The following GPC6 variants were observed in gnomAD, a reference collection of about 807,000 sequenced individuals.
GPC6 encodes glypican 6.
In GPC6, 14 loss-of-function variants were observed where a neutral mutation model predicts 55.2. The ratio of observed to expected loss-of-function variants is 0.25; its 90% CI spans 0.17 to 0.40. The LOEUF (loss-of-function observed/expected upper bound fraction) is 0.40. GPC6 is among the 10% of genes least tolerant of loss of function. GPC6 has a pLI of 1.00. For missense variants in GPC6, 641 were observed against 708.5 expected (o/e 0.90, Z 1.08); for synonymous variants, 278 against 259.6 (o/e 1.07, Z -0.68).
intron 3 of GPC6, among the ~76,000 whole-genome samples, chr13:94,003,937 G>A (rs1432156340): frequency 6.6e-6 from 1 of 152,134 alleles, no homozygotes; most frequent in Non-Finnish European, 1.5e-5. Flanking sequence ...CTTGGTAGAT[G>A]TGTCATTCAA....
chr13:93,565,296 G>T (rs557003999), intron 2 of GPC6, among the ~76,000 whole-genome samples: 62 of 152,228 alleles, frequency 4.1e-4, no homozygotes, highest in African/African-American at 1.5e-3. Context: ...GCAGGTGTTG[G>T]CCCCACTGCA....
At chr13:93,611,018 A>G (rs1878439326) in intron 2 of GPC6, among the ~76,000 whole-genome samples, 2 of 152,162 alleles carry the variant, frequency 1.3e-5, no homozygotes, top group African/African-American at 2.4e-5. Flanking sequence ...TATTTTATCA[A>G]ACATCTCATT....
chr13:93,918,092 G>A (rs1259254443), intron 3 of GPC6, among the ~76,000 whole-genome samples: 21 of 123,804 alleles, frequency 1.7e-4, no homozygotes, highest in Admixed American at 3.5e-4. Flanking sequence ...GAGAGACTCC[G>A]TCAAAAAAAA....
chr13:93,904,956 G>A (rs1876561570), intron 3 of GPC6, among the ~76,000 whole-genome samples: 1 of 123,420 alleles, frequency 8.1e-6, no homozygotes, highest in Non-Finnish European at 1.6e-5. Flanking sequence ...TCCCCAGAGT[G>A]TGATGTTCCC....
chr13:94,258,969 G>A (rs1891582066), intron 4 of GPC6, among the ~76,000 whole-genome samples: 1 of 151,930 alleles, frequency 6.6e-6, no homozygotes, highest in African/African-American at 2.4e-5. Flanking sequence ...CTACCACACT[G>A]GAAACCTTTC....
rs192080946 is a variant in GPC6 at position 94,264,550 on chromosome 13, G to A, written c.878-21799G>A. On this transcript the variant is annotated intron_variant, in intron 4 of 8. Coordinates refer to ENST00000377047, the MANE Select transcript of GPC6 (RefSeq NM_005708.5). ...TTAGATGTTGTTCTGGTCACTAGAC[G>A]GTAAAAGATAATTTTTAGTACCTAG... Among the ~76,000 whole-genome samples, 367 of 152,186 alleles carry A rather than the reference G, an allele frequency of 2.4e-3. 1 individual carries two copies. The highest frequency in any genetic ancestry group is 1.2e-3 in the Non-Finnish European group (81 of 68,008).
intron 3 of GPC6, among the ~76,000 whole-genome samples, chr13:93,832,362 T>G (rs575040400): frequency 6.6e-6 from 1 of 151,872 alleles, no homozygotes; most frequent in South Asian, 2.1e-4. Context: ...ATTAATTTAA[T>G]AAGTTAAACT....
At chr13:93,603,711 C>CAT (rs1416581554) in intron 2 of GPC6, among the ~76,000 whole-genome samples, 6 of 152,174 alleles carry the variant, frequency 3.9e-5, no homozygotes, top group Non-Finnish European at 5.9e-5. Flanking sequence ...CCTAAGCATG[C>CAT]ATACATGCAT....
chr13:93,502,791 G>T (rs1371803395), intron 1 of GPC6, among the ~76,000 whole-genome samples: 3 of 152,004 alleles, frequency 2.0e-5, no homozygotes, highest in Admixed American at 6.6e-5. Flanking sequence ...TGGGGTAAAT[G>T]CTCCTACCAC....
chr13:94,121,183 A>G (rs1208993266), intron 4 of GPC6, among the ~76,000 whole-genome samples: 1 of 151,996 alleles, frequency 6.6e-6, no homozygotes, highest in Non-Finnish European at 1.5e-5. Context: ...TTACACCACC[A>G]TGTGCTGTTG....
intron 1 of GPC6, among the ~76,000 whole-genome samples, chr13:93,232,724 T>C (rs1876103205): frequency 6.6e-6 from 1 of 152,174 alleles, no homozygotes; most frequent in Admixed American, 6.5e-5. Context: ...AAGTGACTAG[T>C]GTTCTTTTAA....
intron 1 of GPC6, among the ~76,000 whole-genome samples, chr13:93,531,080 T>C (rs1178723199): frequency 6.6e-6 from 1 of 152,054 alleles, no homozygotes; most frequent in East Asian, 1.9e-4. Context: ...AACGTTGGGT[T>C]AAATGGATAA....
chr13:93,731,133 G>T (rs903468561), intron 2 of GPC6, among the ~76,000 whole-genome samples: 1 of 152,126 alleles, frequency 6.6e-6, no homozygotes, highest in Admixed American at 6.6e-5. Context: ...GATTGTAGGG[G>T]TGCTCATTCC....
At chr13:93,939,428 A>AATAATAATG (rs999323542) in intron 3 of GPC6, among the ~76,000 whole-genome samples, 9 of 151,430 alleles carry the variant, frequency 5.9e-5, no homozygotes, top group Admixed American at 5.3e-4. Flanking sequence ...AAATAATAAT[A>AATAATAATG]ATAATAATGA....
At chr13:93,839,804 C>A (rs1437676146) in intron 3 of GPC6, among the ~76,000 whole-genome samples, 1 of 152,122 alleles carries the variant, frequency 6.6e-6, no homozygotes, top group Non-Finnish European at 1.5e-5. Context: ...TCCCTGCATC[C>A]TTGATATGAA....
chr13:94,127,635 A>G (rs556421826), intron 4 of GPC6, among the ~76,000 whole-genome samples: 2 of 152,154 alleles, frequency 1.3e-5, no homozygotes, highest in South Asian at 4.1e-4. Flanking sequence ...AGATTCTTGT[A>G]CATCTGGACC....
chr13:93,775,261 T>C (rs1336810443), intron 2 of GPC6, among the ~76,000 whole-genome samples: 1 of 152,170 alleles, frequency 6.6e-6, no homozygotes, highest in Non-Finnish European at 1.5e-5. Context: ...TGCCTCAGCC[T>C]CCCGAGTAGC....
chr13:93,747,103 A>C (rs1212356045), intron 2 of GPC6, among the ~76,000 whole-genome samples: 1 of 152,210 alleles, frequency 6.6e-6, no homozygotes, highest in Non-Finnish European at 1.5e-5. Flanking sequence ...ATTGAGGCTG[A>C]AGAGTTTTCC....
intron 3 of GPC6, among the ~76,000 whole-genome samples, chr13:93,908,429 A>C (rs1028979941): frequency 7.2e-5 from 11 of 152,210 alleles, no homozygotes; most frequent in African/African-American, 2.4e-4. Context: ...TAAACTGCAG[A>C]ATTCCCAGAT....
Sources: allele counts gnomAD v4.1 joint callset (sites outside exome capture counted in the v4.1 genomes callset), GRCh38; gene constraint gnomAD v4.1.1; transcripts MANE v1.5; gene names NCBI Gene and HGNC (gene_info 2026-07-23, HGNC 2026-07-21).